MACROD2: variants seen among roughly 807,000 people sequenced by gnomAD.
MACROD2 encodes the protein ADP-ribose glycohydrolase MACROD2.
In MACROD2, 36 loss-of-function variants were observed where a neutral mutation model predicts 70.4. That is an observed-to-expected ratio of 0.51 (90% CI 0.39 to 0.68). The LOEUF (loss-of-function observed/expected upper bound fraction) is 0.68, where lower values mean the gene tolerates loss of function less well. Ranked by LOEUF, MACROD2 falls within the 30% of genes least tolerant of loss-of-function variation. The probability of loss-of-function intolerance (pLI) is 0.00; values close to 1 mark genes in which losing one functional copy is unlikely to be tolerated. For synonymous variants in MACROD2, 172 were observed against 178.8 expected (o/e 0.96, Z 0.30); for missense variants, 496 against 538.4 (o/e 0.92, Z 0.78).
intron 3 of MACROD2, among the ~76,000 whole-genome samples, chr20:14,452,316 T>C (rs2122989203): frequency 6.6e-6 from 1 of 152,232 alleles, no homozygotes; most frequent in South Asian, 2.1e-4. Flanking sequence ...TGGAGATACA[T>C]GACATAGAAA....
At chr20:15,221,607 C>A (rs537244068) in intron 5 of MACROD2, among the ~76,000 whole-genome samples, 2 of 152,268 alleles carry the variant, frequency 1.3e-5, no homozygotes, top group Non-Finnish European at 2.9e-5. Context: ...GATACAGTCC[C>A]ATCAACAAGG....
rs144780219 is a variant in MACROD2 at position 15,663,487 on chromosome 20, C to T, written c.645+163640C>T. 6.8e-3 allele frequency among the ~76,000 whole-genome samples: 1,033 copies of T among 152,096 alleles called. 10 individuals are homozygous for T. Among genetic ancestry groups the T allele is most frequent in the African/African-American group, 0.024 (977 of 41,460 alleles). On this transcript the variant is annotated intron_variant, in intron 8 of 17. Coordinates refer to ENST00000684519, the MANE Select transcript of MACROD2 (RefSeq NM_001351661.2). ...CTGATTTAAAGTGATCTGCCCACCT[C>T]GGCCTCCCAAAGTACTGGGAATATA... is the stretch of plus-strand genomic sequence containing the variant.
chr20:14,303,882 A>G (rs1295645534), intron 3 of MACROD2, among the ~76,000 whole-genome samples: 1 of 152,160 alleles, frequency 6.6e-6, no homozygotes, highest in African/African-American at 2.4e-5. Context: ...GATAGAGGGC[A>G]CTTGTGTCAT....
intron 4 of MACROD2, among the ~76,000 whole-genome samples, chr20:14,683,715 TA>T (rs1271712956): frequency 1.3e-5 from 2 of 152,126 alleles, no homozygotes; most frequent in Non-Finnish European, 2.9e-5. Flanking sequence ...TCTTAAATAA[TA>T]ATAATGATAA....
At chr20:16,011,315 C>G (rs576453530) in intron 15 of MACROD2, among the ~76,000 whole-genome samples, 2 of 152,338 alleles carry the variant, frequency 1.3e-5, no homozygotes, top group South Asian at 2.1e-4. Flanking sequence ...AACAAAGCCA[C>G]TGTTCTAGAA....
chr20:15,014,875 T>C (rs192763184), intron 5 of MACROD2, among the ~76,000 whole-genome samples: 11 of 152,270 alleles, frequency 7.2e-5, no homozygotes, highest in African/African-American at 2.6e-4. Flanking sequence ...ATTGATGTTG[T>C]CCATAAGCTT....
At chr20:15,218,672 C>T (rs2076831694) in intron 5 of MACROD2, among the ~76,000 whole-genome samples, 1 of 152,104 alleles carries the variant, frequency 6.6e-6, no homozygotes, top group Non-Finnish European at 1.5e-5. Context: ...CTTTTCCATT[C>T]TCAAGAGGAT....
At chr20:15,551,348 A>AAAC (rs1002872952) in intron 8 of MACROD2, among the ~76,000 whole-genome samples, 5 of 151,880 alleles carry the variant, frequency 3.3e-5, no homozygotes, top group African/African-American at 1.2e-4. Context: ...AAAAAAAAAA[A>AAAC]AAAACTACAT....
intron 8 of MACROD2, among the ~76,000 whole-genome samples, chr20:15,563,263 G>T (rs1379967574): frequency 6.6e-6 from 1 of 152,156 alleles, no homozygotes; most frequent in African/African-American, 2.4e-5. Flanking sequence ...CTAGCTTGCT[G>T]TGCAACCCCC....
chr20:14,451,730 A>G (rs2084247730), intron 3 of MACROD2, among the ~76,000 whole-genome samples: 1 of 152,152 alleles, frequency 6.6e-6, no homozygotes, highest in Non-Finnish European at 1.5e-5. Context: ...AGGCACTGGC[A>G]GTTGGAAGCA....
At chr20:15,810,119 G>GT (rs1327628498) in intron 8 of MACROD2, among the ~76,000 whole-genome samples, 7 of 150,716 alleles carry the variant, frequency 4.6e-5, no homozygotes, top group Admixed American at 1.3e-4. Context: ...GTGGTGTTTG[G>GT]TTTTTTGTCC....
At chr20:14,041,177 G>A (rs2148640057) in intron 2 of MACROD2, among the ~76,000 whole-genome samples, 1 of 152,258 alleles carries the variant, frequency 6.6e-6, no homozygotes, top group African/African-American at 2.4e-5. Flanking sequence ...TTTTATAAAA[G>A]AGAATATTTA....
chr20:15,456,026 C>T (rs7273693), intron 7 of MACROD2, among the ~76,000 whole-genome samples: 82,134 of 151,976 alleles, frequency 0.54, 22,976 homozygotes, highest in African/African-American at 0.66. Flanking sequence ...AGGATGTCTC[C>T]GCGAAAGTGG....
intron 5 of MACROD2, among the ~76,000 whole-genome samples, chr20:14,728,107 A>G (rs2071551443): frequency 6.6e-6 from 1 of 152,156 alleles, no homozygotes; most frequent in Non-Finnish European, 1.5e-5. Context: ...CCTGAAAGTT[A>G]GTACTAGATT....
At chr20:14,227,303 T>G (rs2081748011) in intron 3 of MACROD2, among the ~76,000 whole-genome samples, 1 of 151,958 alleles carries the variant, frequency 6.6e-6, no homozygotes, top group Admixed American at 6.5e-5. Flanking sequence ...CAGGCTCGGG[T>G]CCCCTTTCAC....
rs115810786 is a variant in MACROD2 at position 14,559,257 on chromosome 20, C to T, written c.301+65749C>T. 4.8e-3 allele frequency among the ~76,000 whole-genome samples: 721 copies of T among 151,696 alleles called. 3 individuals are homozygous for T. Among genetic ancestry groups the T allele is most frequent in the South Asian group, 0.011 (53 of 4,820 alleles). Reference sequence around the variant, plus strand: ...AAAAATTGTGTTCTTTGAATTTACACTTTTTAAGGGATGTATGTTAAACAT... The same window carrying T: ...AAAAATTGTGTTCTTTGAATTTACATTTTTTAAGGGATGTATGTTAAACAT... On this transcript the variant is annotated intron_variant, in intron 4 of 17. Transcript: ENST00000684519.
chr20:14,874,289 C>CATTTATTT (rs150117074), intron 5 of MACROD2, among the ~76,000 whole-genome samples: 17,226 of 131,272 alleles, frequency 0.13, 1,121 homozygotes, highest in Middle Eastern at 0.23. Context: ...AATGGAGATT[C>CATTTATTT]ATTTATTTAT....
At chr20:15,085,799 A>T (rs922562244) in intron 5 of MACROD2, among the ~76,000 whole-genome samples, 1 of 151,788 alleles carries the variant, frequency 6.6e-6, no homozygotes, top group Non-Finnish European at 1.5e-5. Flanking sequence ...ACTCCTATGT[A>T]TTGAGTCGAT....
chr20:15,399,257 G>A (rs2045898952), intron 6 of MACROD2, among the ~76,000 whole-genome samples: 1 of 152,146 alleles, frequency 6.6e-6, no homozygotes, highest in African/African-American at 2.4e-5. Flanking sequence ...CCAATTCAGA[G>A]GTTTGGTTTC....
Sources: gnomAD v4.1 joint callset for allele counts (sites outside exome capture counted in the v4.1 genomes callset) on GRCh38, gnomAD v4.1.1 for gene constraint, MANE v1.5 for transcripts, NCBI Gene and HGNC (gene_info 2026-07-23, HGNC 2026-07-21) for gene names.